Variants in FALEC observed in about 807,000 individuals in gnomAD.
FALEC encodes the protein focally amplified lncRNA regulator of ECM1, also known as focally amplified lncRNA on chromosome 1.
chr1:150,527,863 GTAAA>G, the FALEC span, among the ~76,000 whole-genome samples: 42 of 152,118 alleles, frequency 2.8e-4, no homozygotes, highest in African/African-American at 9.9e-4. Context: ...AAATGTATAA[GTAAA>G]TAAATAAATA....
chr1:150,536,042 A>G, the FALEC span, among the ~76,000 whole-genome samples: 1 of 152,198 alleles, frequency 6.6e-6, no homozygotes, highest in African/African-American at 2.4e-5. Flanking sequence ...AAAAGTTAAT[A>G]ACATAAGGAC....
the FALEC span, among the ~76,000 whole-genome samples, chr1:150,523,676 T>C: frequency 6.7e-6 from 1 of 150,206 alleles, no homozygotes. Flanking sequence ...AAAAATTACA[T>C]GTGTGGCTTA....
the FALEC span, among the ~76,000 whole-genome samples, chr1:150,525,398 A>G: frequency 1.5e-4 from 23 of 152,122 alleles, no homozygotes; most frequent in Admixed American, 4.6e-4. Flanking sequence ...CTGGTAGATC[A>G]AGGCTGCAGT....
the FALEC span, among the ~76,000 whole-genome samples, chr1:150,527,678 C>T: frequency 6.6e-6 from 1 of 151,978 alleles, no homozygotes; most frequent in Non-Finnish European, 1.5e-5. Flanking sequence ...GGCGAAACCC[C>T]ACCTCTACTA....
chr1:150,529,641 A>G, the FALEC span, among the ~76,000 whole-genome samples: 41 of 150,588 alleles, frequency 2.7e-4, no homozygotes, highest in African/African-American at 1.0e-3. Flanking sequence ...TCTGTCACCC[A>G]GGCTGGAGTG....
the FALEC span, among the ~76,000 whole-genome samples, chr1:150,529,016 C>CAATAAAAAAAAAAAAAA: frequency 1.7e-5 from 1 of 59,292 alleles, no homozygotes; most frequent in East Asian, 4.2e-4. Context: ...AAATAAATAG[C>CAATAAAAAAAAAAAAAA]AAAAAAAAAA....
chr1:150,528,257 A>T, the FALEC span, among the ~76,000 whole-genome samples: 1 of 152,274 alleles, frequency 6.6e-6, no homozygotes, highest in African/African-American at 2.4e-5. Context: ...CTGTGGCAAC[A>T]TCTTATAACT....
chr1:150,534,840 C>CAAAA, the FALEC span, among the ~76,000 whole-genome samples: 20 of 121,086 alleles, frequency 1.7e-4, no homozygotes, highest in Non-Finnish European at 2.2e-4. Context: ...GACTCTGTCT[C>CAAAA]AAAAAAAAAA....
At chr1:150,522,878 T>TATAC (rs1199674650), downstream of FALEC, among the ~76,000 whole-genome samples, 2 of 92,954 alleles carry the variant, frequency 2.2e-5, no homozygotes, top group African/African-American at 8.7e-5. Context: ...TATATATACA[T>TATAC]ATATATATAC....
chr1:150,518,384 C>CT (rs1560269472), downstream of FALEC, among the ~76,000 whole-genome samples: 3 of 127,892 alleles, frequency 2.3e-5, no homozygotes, highest in Admixed American at 1.5e-4. Flanking sequence ...CCAAGTCTCT[C>CT]TCTTTTTTTT....
At chr1:150,522,565 A>G (rs1244577361), downstream of FALEC, among the ~76,000 whole-genome samples, 2 of 149,272 alleles carry the variant, frequency 1.3e-5, no homozygotes, top group East Asian at 2.0e-4. Context: ...GGTGGTTGCC[A>G]TGAGCCAAGA....
the FALEC span, among the ~76,000 whole-genome samples, chr1:150,535,066 G>A: frequency 1.3e-5 from 2 of 152,084 alleles, no homozygotes; most frequent in African/African-American, 4.8e-5. Context: ...AAGCGGCTGA[G>A]GGCCTCCTGG....
chr1:150,528,828 C>CGACG, the FALEC span, among the ~76,000 whole-genome samples: 2 of 151,628 alleles, frequency 1.3e-5, no homozygotes, highest in Non-Finnish European at 2.9e-5. Flanking sequence ...ACCTCTTGAT[C>CGACG]CGTCTGCTTC....
At chr1:150,517,569 A>C (rs981367230) in intron 1 of FALEC, among the ~76,000 whole-genome samples, 2 of 151,948 alleles carry the variant, frequency 1.3e-5, no homozygotes, top group African/African-American at 2.4e-5. Flanking sequence ...CATAAATGGG[A>C]TTAGTGCTCT....
downstream of FALEC, among the ~76,000 whole-genome samples, chr1:150,521,254 G>C (rs1670638533): frequency 6.6e-6 from 1 of 152,144 alleles, no homozygotes; most frequent in Non-Finnish European, 1.5e-5. Flanking sequence ...ATACAGCTAG[G>C]AGTTAAATGG....
exon 1 of FALEC, chr1:150,515,987 C>G (rs1249373845): frequency 6.6e-6 from 1 of 152,356 alleles, no homozygotes. Flanking sequence ...TGGCTCATGC[C>G]TGGAATCCCA....
chr1:150,529,389 T>G, the FALEC span, among the ~76,000 whole-genome samples: 1 of 152,274 alleles, frequency 6.6e-6, no homozygotes, highest in Admixed American at 6.5e-5. Flanking sequence ...GTGGGCAGGC[T>G]GCTGCCTTTT....
chr1:150,536,174 C>T, the FALEC span, among the ~76,000 whole-genome samples: 1 of 152,150 alleles, frequency 6.6e-6, no homozygotes, highest in African/African-American at 2.4e-5. Context: ...GCATTTGAGT[C>T]ACTTGAAGAA....
At chr1:150,522,637 CAA>C (rs1176213910), downstream of FALEC, among the ~76,000 whole-genome samples, 8 of 148,346 alleles carry the variant, frequency 5.4e-5, no homozygotes, top group African/African-American at 2.0e-4. Context: ...AAAAAAAAAA[CAA>C]GAAGTTGGCA....
Sources: gnomAD v4.1 joint callset for allele counts (sites outside exome capture counted in the v4.1 genomes callset) on GRCh38, gnomAD v4.1.1 for gene constraint, MANE v1.5 for transcripts, NCBI Gene and HGNC (gene_info 2026-07-23, HGNC 2026-07-21) for gene names.